Variants in LTBP1 observed in about 807,000 individuals in gnomAD.
LTBP1 encodes the protein latent-transforming growth factor beta-binding protein 1.
Under a neutral mutation model 207.6 loss-of-function variants are expected in LTBP1, and 129 were observed. The ratio of observed to expected loss-of-function variants is 0.62; its 90% CI spans 0.54 to 0.72. The LOEUF (loss-of-function observed/expected upper bound fraction) is 0.72, where lower values mean the gene tolerates loss of function less well. Ranked by LOEUF, LTBP1 falls within the 30% of genes least tolerant of loss-of-function variation. LTBP1 has a pLI of 0.00. For missense variants in LTBP1, 2,281 were observed against 2,217.2 expected (o/e 1.03, Z -0.58); for synonymous variants, 963 against 833.7 (o/e 1.16, Z -2.67).
At chr2:33,076,545 T>G (rs1404658409) in intron 3 of LTBP1, among the ~76,000 whole-genome samples, 1 of 152,026 alleles carries the variant, frequency 6.6e-6, no homozygotes, top group Non-Finnish European at 1.5e-5. Flanking sequence ...CCCATCCTTT[T>G]TTTTTTTTGA....
At chr2:33,249,366 C>CACACAT (rs913193753) in intron 10 of LTBP1, among the ~76,000 whole-genome samples, 1 of 147,556 alleles carries the variant, frequency 6.8e-6, no homozygotes, top group African/African-American at 2.5e-5. Flanking sequence ...CACACACACA[C>CACACAT]ATTTACAACC....
rs1470635666 is a variant in LTBP1, at chr2:33,291,414, C to T, written c.3113-1746C>T. On this transcript the variant is annotated intron_variant, in intron 19 of 33. Transcript: ENST00000404816. ...GCTTGTTAACATTTTTGAAACAAAA[C>T]CAGATACTAAACATGACATTTTCCT... The T allele has an allele frequency of 2.0e-5, 3 of 152,288 alleles. No homozygotes were observed. The East Asian group carries it at 5.8e-4, about 29-fold the overall frequency. The allele number at this position is 152,288 out of a possible 1,614,324, so 9.4% of individuals were successfully genotyped here.
rs75714467 is a variant in LTBP1, at chr2:33,210,904, C to A, written c.1702-6648C>A. Among the ~76,000 whole-genome samples, 198 of 152,308 alleles carry A rather than the reference C, an allele frequency of 1.3e-3. 4 individuals are homozygous for A. The East Asian group carries it at 0.032, about 25-fold the overall frequency. On this transcript the variant is annotated intron_variant, in intron 7 of 33. Coordinates refer to ENST00000404816, the MANE Select transcript of LTBP1 (RefSeq NM_206943.4). ...GTCCTACTTACTCTTGCAAGAGTTA[C>A]AATGAATCAGACTTCTGTTTTATTT... is the stretch of plus-strand genomic sequence containing the variant.
chr2:33,290,361 T>C (rs1264942548), intron 19 of LTBP1, among the ~76,000 whole-genome samples: 2 of 152,004 alleles, frequency 1.3e-5, no homozygotes, highest in African/African-American at 4.8e-5. Flanking sequence ...TTCCCAAGGG[T>C]TGGAAGCTAG....
chr2:33,060,044 A>AT (rs1558579179), intron 3 of LTBP1, among the ~76,000 whole-genome samples: 1 of 152,118 alleles, frequency 6.6e-6, no homozygotes, highest in African/African-American at 2.4e-5. Context: ...AATGTCAAAG[A>AT]TTTTTTTCAT....
chr2:32,958,774 T>C (rs906723349), intron 2 of LTBP1, among the ~76,000 whole-genome samples: 1 of 152,258 alleles, frequency 6.6e-6, no homozygotes, highest in Non-Finnish European at 1.5e-5. Context: ...TCTGTACTTT[T>C]CCTTGCCCAG....
At chr2:33,164,254 CAGG>C (rs1002114113) in intron 5 of LTBP1, among the ~76,000 whole-genome samples, 2 of 144,832 alleles carry the variant, frequency 1.4e-5, no homozygotes, top group African/African-American at 2.6e-5. Flanking sequence ...GAGGCTGAGG[CAGG>C]AGAATTGCCC....
At position 33,365,481 on chromosome 2, in the gene LTBP1, C is replaced by G. The variant is rs756129990; in HGVS notation, c.4689C>G (p.Ala1563=). 6.2e-7 allele frequency: 1 copy of G among 1,613,948 alleles called. No homozygotes were observed. Among genetic ancestry groups the G allele is most frequent in the East Asian group, 2.2e-5 (1 of 44,872 alleles). Residue 1563 remains alanine (A), a synonymous_variant, in exon 31 of 34, where the codon GCC becomes GCG. Coordinates refer to ENST00000404816, the MANE Select transcript of LTBP1 (RefSeq NM_206943.4). ...GAGAGGCCTGGGGCATGCAGTGTGC[C>G]CTCTGCCCCCTGAAGGATTCAGGTG... is the stretch of plus-strand genomic sequence containing the variant. ...LYGEAWGMQC[A]LCPLKDSDDY...
At chr2:33,130,062 C>G (rs116698015) in intron 4 of LTBP1, among the ~76,000 whole-genome samples, 4 of 152,160 alleles carry the variant, frequency 2.6e-5, no homozygotes, top group Non-Finnish European at 2.9e-5. Flanking sequence ...GTTAAGCAAG[C>G]CTGGAGAGCT....
At chr2:33,237,942 G>C (rs1278296194) in intron 9 of LTBP1, among the ~76,000 whole-genome samples, 3 of 152,164 alleles carry the variant, frequency 2.0e-5, no homozygotes, top group African/African-American at 7.2e-5. Flanking sequence ...CTATAGATTA[G>C]TTCCCTTAAA....
intron 2 of LTBP1, among the ~76,000 whole-genome samples, chr2:32,972,138 C>T (rs1474984791): frequency 1.4e-5 from 2 of 146,460 alleles, no homozygotes; most frequent in Non-Finnish European, 3.0e-5. Context: ...TCTGTGGATT[C>T]AGTGGTAATA....
chr2:33,017,176 G>A (rs1220410412), intron 2 of LTBP1, among the ~76,000 whole-genome samples: 1 of 152,222 alleles, frequency 6.6e-6, no homozygotes, highest in Non-Finnish European at 1.5e-5. Flanking sequence ...TTTTGGCAAT[G>A]TATAGATATG....
At chr2:33,325,272 A>T (rs140985086) in intron 24 of LTBP1, among the ~76,000 whole-genome samples, 1 of 152,280 alleles carries the variant, frequency 6.6e-6, no homozygotes, top group East Asian at 1.9e-4. Context: ...GTGGTTTTAT[A>T]ACTGATCTTT....
chr2:33,333,546 C>T (rs544367179), intron 24 of LTBP1, among the ~76,000 whole-genome samples: 1 of 152,140 alleles, frequency 6.6e-6, no homozygotes, highest in African/African-American at 2.4e-5. Context: ...GAGTTGAACC[C>T]GATGTAGGAC....
chr2:33,006,721 A>G (rs1377682063), intron 2 of LTBP1, among the ~76,000 whole-genome samples: 2 of 111,612 alleles, frequency 1.8e-5, no homozygotes, highest in Admixed American at 1.1e-4. Context: ...TTTATATGTT[A>G]CTGCTTGGAA....
At chr2:33,185,564 C>G (rs894480095) in intron 5 of LTBP1, among the ~76,000 whole-genome samples, 1 of 151,794 alleles carries the variant, frequency 6.6e-6, no homozygotes, top group African/African-American at 2.4e-5. Flanking sequence ...CCTTAACACA[C>G]ATCAGTATAT....
At chr2:33,169,630 T>C (rs1322234703) in intron 5 of LTBP1, among the ~76,000 whole-genome samples, 1 of 152,212 alleles carries the variant, frequency 6.6e-6, no homozygotes, top group Non-Finnish European at 1.5e-5. Flanking sequence ...AGAATAGCAC[T>C]TATAAACTTA....
intron 5 of LTBP1, among the ~76,000 whole-genome samples, chr2:33,142,619 G>C (rs923904403): frequency 6.6e-6 from 1 of 152,056 alleles, no homozygotes; most frequent in Non-Finnish European, 1.5e-5. Flanking sequence ...GGTTGAAGAG[G>C]AAGACAACTG....
intron 1 of LTBP1, among the ~76,000 whole-genome samples, chr2:32,948,307 G>C (rs1311540316): frequency 6.6e-6 from 1 of 152,204 alleles, no homozygotes; most frequent in Admixed American, 6.5e-5. Flanking sequence ...GGACTTCGCT[G>C]CACCTGTGGG....
Sources: gnomAD v4.1 joint callset for allele counts (sites outside exome capture counted in the v4.1 genomes callset) on GRCh38, gnomAD v4.1.1 for gene constraint, MANE v1.5 for transcripts, NCBI Gene and HGNC (gene_info 2026-07-23, HGNC 2026-07-21) for gene names.